Variants in ZNF33A observed in about 807,000 individuals in gnomAD.
The protein encoded by ZNF33A is zinc finger protein 33A, also known as brain my041 protein.
In ZNF33A, 9 loss-of-function variants were observed where a neutral mutation model predicts 15.9. The observed-to-expected ratio is 0.57, with a 90% CI of 0.34 to 0.99. ZNF33A has a LOEUF of 0.99. Ranked by LOEUF, ZNF33A falls within the 50% of genes least tolerant of loss-of-function variation. The pLI is 0.02. For missense variants in ZNF33A, 843 were observed against 941.6 expected (o/e 0.90, Z 1.37); for synonymous variants, 294 against 324.2 (o/e 0.91, Z 1.00).
At chr10:38,035,650 G>A (rs1376885249) in intron 4 of ZNF33A, among the ~76,000 whole-genome samples, 3 of 152,036 alleles carry the variant, frequency 2.0e-5, no homozygotes, top group Non-Finnish European at 4.4e-5. Flanking sequence ...CATTTGTAAT[G>A]CAATTAGATG....
chr10:38,029,244 TA>T (rs2065113485), intron 4 of ZNF33A, among the ~76,000 whole-genome samples: 1 of 152,218 alleles, frequency 6.6e-6, no homozygotes, highest in Non-Finnish European at 1.5e-5. Context: ...GGCTTAGTAG[TA>T]ACAAACTCTT....
chr10:38,067,596 G>C (rs2066719539), downstream of ZNF33A, among the ~76,000 whole-genome samples: 2 of 152,198 alleles, frequency 1.3e-5, no homozygotes, highest in Non-Finnish European at 2.9e-5. Flanking sequence ...GGTTCAAGGT[G>C]TTGAGTCCCA....
chr10:38,027,904 T>C (rs1466685267), intron 4 of ZNF33A, among the ~76,000 whole-genome samples: 5 of 152,178 alleles, frequency 3.3e-5, no homozygotes, highest in Non-Finnish European at 7.3e-5. Context: ...ATATCTTTTA[T>C]CAGCCTTTCA....
intron 2 of ZNF33A, among the ~76,000 whole-genome samples, chr10:38,016,411 T>C (rs1187796642): frequency 6.6e-6 from 1 of 152,206 alleles, no homozygotes; most frequent in Non-Finnish European, 1.5e-5. Context: ...GTCTGCAGTG[T>C]GTTGGAGGCC....
chr10:38,029,781 G>C (rs950666359), intron 4 of ZNF33A, among the ~76,000 whole-genome samples: 21 of 152,164 alleles, frequency 1.4e-4, no homozygotes, highest in African/African-American at 4.3e-4. Context: ...GGGTTGTCTG[G>C]TGCAGATCAG....
chr10:38,043,213 C>T (rs1418553127), intron 4 of ZNF33A, among the ~76,000 whole-genome samples: 1 of 151,840 alleles, frequency 6.6e-6, no homozygotes, highest in Non-Finnish European at 1.5e-5. Flanking sequence ...ATTAAAAAAG[C>T]TGGAAACCAT....
At chr10:38,028,214 G>A (rs563850408) in intron 4 of ZNF33A, among the ~76,000 whole-genome samples, 2 of 152,124 alleles carry the variant, frequency 1.3e-5, no homozygotes, top group South Asian at 2.1e-4. Flanking sequence ...GCTGCAGTGA[G>A]TCATGTTTGT....
chr10:38,013,690 C>T (rs1331992888), intron 2 of ZNF33A, among the ~76,000 whole-genome samples: 1 of 151,982 alleles, frequency 6.6e-6, no homozygotes, highest in Admixed American at 6.6e-5. Context: ...GTCTCCTGAC[C>T]TCGTGATCCC....
In ZNF33A at chr10:38,054,800, G is replaced by A. The variant is rs781490221; in HGVS notation, c.676G>A (p.Glu226Lys). ...CAATTTTGAATACAGTATATGTCAG[G>A]AAACCCTCCTTGAAAAGGCAGTATT... The part of the protein sequence containing the change: ...EHNFEYSICQ[E>K]TLLEKAVFNT... The change falls in exon 5 of 5, where the codon GAA becomes AAA. Residue 226 changes from glutamate to lysine, a missense_variant. Coordinates refer to ENST00000432900, the MANE Select transcript of ZNF33A (RefSeq NM_006954.2). 47 of 1,613,558 alleles carry A rather than the reference G, an allele frequency of 2.9e-5. No individual in the cohort carries two copies. The highest frequency in any genetic ancestry group is 3.7e-5 in the Non-Finnish European group (44 of 1,179,970).
intron 4 of ZNF33A, among the ~76,000 whole-genome samples, chr10:38,042,640 T>C (rs1418387040): frequency 5.9e-5 from 9 of 152,116 alleles, no homozygotes; most frequent in Non-Finnish European, 1.2e-4. Context: ...AGCCTCAACT[T>C]CCTGGGCTCA....
chr10:38,051,312 T>C (rs948018582), intron 4 of ZNF33A, among the ~76,000 whole-genome samples: 2 of 152,178 alleles, frequency 1.3e-5, no homozygotes, highest in Middle Eastern at 3.2e-3. Flanking sequence ...CCGAAACTTG[T>C]ATTTTTTTAA....
intron 4 of ZNF33A, among the ~76,000 whole-genome samples, chr10:38,034,403 A>G (rs1357767843): frequency 2.0e-5 from 3 of 152,112 alleles, no homozygotes; most frequent in Non-Finnish European, 4.4e-5. Flanking sequence ...CTGGTGAGGT[A>G]TATATAAATT....
At chr10:38,016,139 C>T (rs774010376) in intron 2 of ZNF33A, 15 of 614,854 alleles carry the variant, frequency 2.4e-5, no homozygotes, top group East Asian at 3.5e-5. Context: ...ATATGTATTG[C>T]GATGAAGAAA....
chr10:38,026,204 CATT>C (rs1428044918), intron 4 of ZNF33A, among the ~76,000 whole-genome samples: 1 of 152,216 alleles, frequency 6.6e-6, no homozygotes, highest in Non-Finnish European at 1.5e-5. Context: ...ACTGGCATAT[CATT>C]ATCTGCTCAA....
rs546268438 is a variant in ZNF33A, at chr10:38,015,754, C to T, written c.10-1117C>T. On this transcript the variant is annotated intron_variant, in intron 2 of 4. Transcript: ENST00000432900. ...TGTGCATGGAGATAGCCAGAGGAAA[C>T]ATTTTTTTTCTTAATGAATTGGTGA... 3.3e-5 allele frequency among the ~76,000 whole-genome samples: 5 copies of T among 152,262 alleles called. No homozygotes were observed. In the East Asian group the frequency reaches 9.6e-4, roughly 29 times the overall value.
At chr10:38,029,144 A>G (rs907378441) in intron 4 of ZNF33A, among the ~76,000 whole-genome samples, 4 of 152,178 alleles carry the variant, frequency 2.6e-5, no homozygotes, top group Admixed American at 1.3e-4. Context: ...AGTTAACTTT[A>G]TTGGAAATCT....
In ZNF33A at chr10:38,035,111, C is replaced by CTTTTTTTTT. The variant is rs71007683; in HGVS notation, c.250+17741_250+17749dup. 4.8e-4 allele frequency among the ~76,000 whole-genome samples: 41 copies of CTTTTTTTTT among 85,784 alleles called. 2 individuals are homozygous for CTTTTTTTTT. Among genetic ancestry groups the CTTTTTTTTT allele is most frequent in the Admixed American group, 1.2e-3 (7 of 5,672 alleles). The allele number at this position is 85,784 out of a possible 152,430, so 56.3% of individuals were successfully genotyped here. A position where few individuals can be genotyped will look rare whatever the true frequency, so the allele number is the denominator to read the frequency against. ...TAACCATCCATCATCCATTTACTTT[C>CTTTTTTTTT]TTTTTTTTTTTTTTTTTTTTTTTTG... On this transcript the variant is annotated intron_variant, in intron 4 of 4. Coordinates refer to ENST00000432900, the MANE Select transcript of ZNF33A (RefSeq NM_006954.2).
intron 4 of ZNF33A, among the ~76,000 whole-genome samples, chr10:38,033,694 C>T (rs2065313793): frequency 6.6e-6 from 1 of 151,544 alleles, no homozygotes; most frequent in Non-Finnish European, 1.5e-5. Context: ...TTCCCAATGG[C>T]TAGTGATGTT....
chr10:38,020,968 CTT>C (rs1272642347), intron 4 of ZNF33A, among the ~76,000 whole-genome samples: 60 of 152,322 alleles, frequency 3.9e-4, no homozygotes, highest in Non-Finnish European at 2.1e-4. Context: ...GCTCACCTGA[CTT>C]TTAGTTCCTG....
Sources: gnomAD v4.1 joint callset for allele counts (sites outside exome capture counted in the v4.1 genomes callset) on GRCh38, gnomAD v4.1.1 for gene constraint, MANE v1.5 for transcripts, NCBI Gene and HGNC (gene_info 2026-07-23, HGNC 2026-07-21) for gene names.